The following SCOC variants were observed in gnomAD, a reference collection of about 807,000 sequenced individuals.
The protein encoded by SCOC is short coiled coil protein.
In SCOC, 7 loss-of-function variants were observed where a neutral mutation model predicts 9.9. The ratio of observed to expected loss-of-function variants is 0.71; its 90% CI spans 0.40 to 1.33. The LOEUF is 1.33. Among genes scored for constraint, SCOC ranks in the 40% most tolerant of loss-of-function variants. The probability of loss-of-function intolerance (pLI) is 0.01; values close to 1 mark genes in which losing one functional copy is unlikely to be tolerated. For missense variants in SCOC, 66 were observed against 89.7 expected, an observed-to-expected ratio of 0.74 and a Z score of 1.07; for synonymous variants, 19 against 28.2, an observed-to-expected ratio of 0.67 and a Z score of 1.03.
At chr4:140,296,063 AT>A (rs1364867411) in intron 1 of SCOC, among the ~76,000 whole-genome samples, 2 of 151,732 alleles carry the variant, frequency 1.3e-5, no homozygotes, top group African/African-American at 2.4e-5. Flanking sequence ...AGGAATCTGC[AT>A]TTTTTAAAAG....
chr4:140,379,371 G>T (rs1184904697), intron 2 of SCOC, among the ~76,000 whole-genome samples, 179 bp downstream of exon 2: 2 of 152,192 alleles, frequency 1.3e-5, no homozygotes, highest in Non-Finnish European at 2.9e-5. Flanking sequence ...CCTTAGCTAT[G>T]AGAGGTTGGC....
chr4:140,316,231 T>C (rs1732313854), intron 1 of SCOC, among the ~76,000 whole-genome samples: 1 of 152,172 alleles, frequency 6.6e-6, no homozygotes, highest in Admixed American at 6.6e-5. Context: ...ATTCAGATGC[T>C]TATGTGTGTT....
rs530278701 is a variant in SCOC, at chr4:140,322,133, T to C, written c.-18-21488T>C. On this transcript the variant is annotated intron_variant, in intron 1 of 4. Coordinates refer to the SCOC transcript ENST00000394205. ...TTAAAATAAATTGTCTAGTCTGTGG[T>C]ATTTTGTTATAGTAGTCTAAAACAG... 1.5e-4 allele frequency among the ~76,000 whole-genome samples: 23 copies of C among 152,316 alleles called. No individual in the cohort carries two copies. In the East Asian group the frequency reaches 3.1e-3, roughly 20 times the overall value.
intron 1 of SCOC, among the ~76,000 whole-genome samples, chr4:140,304,826 C>A (rs1350654514): frequency 6.6e-6 from 1 of 152,188 alleles, no homozygotes; most frequent in Non-Finnish European, 1.5e-5. Context: ...CTAACGCTGC[C>A]CTTTATTCCT....
intron 2 of SCOC, chr4:140,366,335 C>T (rs1341218607): frequency 3.0e-6 from 4 of 1,329,388 alleles, no homozygotes; most frequent in Non-Finnish European, 4.1e-6. Context: ...CTGTGGCTTT[C>T]TGGGCAGGAA....
chr4:140,274,609 A>G (rs1430739200), intron 1 of SCOC, among the ~76,000 whole-genome samples: 1 of 152,194 alleles, frequency 6.6e-6, no homozygotes, highest in African/African-American at 2.4e-5. Context: ...TCTGCCGCAA[A>G]AAGGGAGAAC....
chr4:140,372,862 C>A (rs1728113369), upstream of SCOC, among the ~76,000 whole-genome samples: 1 of 152,144 alleles, frequency 6.6e-6, no homozygotes, highest in South Asian at 2.1e-4. Context: ...TTACGATGAA[C>A]GGTGTCACGA....
chr4:140,312,461 C>T (rs1460219902), intron 1 of SCOC, among the ~76,000 whole-genome samples: 1 of 152,128 alleles, frequency 6.6e-6, no homozygotes, highest in Non-Finnish European at 1.5e-5. Context: ...ACAGGTCTAG[C>T]TCTGCTGCCA....
At chr4:140,313,671 G>A (rs1732223000) in intron 1 of SCOC, among the ~76,000 whole-genome samples, 1 of 152,184 alleles carries the variant, frequency 6.6e-6, no homozygotes, top group African/African-American at 2.4e-5. Flanking sequence ...TCGGACCTAA[G>A]AGCCTAAGCT....
intron 1 of SCOC, among the ~76,000 whole-genome samples, chr4:140,301,863 G>T (rs766468591): frequency 1.3e-5 from 2 of 152,002 alleles, no homozygotes; most frequent in African/African-American, 2.4e-5. Flanking sequence ...ACAAGTTCTC[G>T]CTCTGTTGCC....
chr4:140,290,325 T>C (rs1731433876), intron 1 of SCOC, among the ~76,000 whole-genome samples: 1 of 152,248 alleles, frequency 6.6e-6, no homozygotes, highest in African/African-American at 2.4e-5. Flanking sequence ...TTGGGCTTTC[T>C]CCTCTTTCTT....
At chr4:140,271,524 A>G (rs1730845245) in intron 1 of SCOC, among the ~76,000 whole-genome samples, 1 of 152,202 alleles carries the variant, frequency 6.6e-6, no homozygotes. Flanking sequence ...ATCTCCATCT[A>G]AAAGTAGTGC....
At chr4:140,353,964 T>TG (rs1327650918) in intron 2 of SCOC, among the ~76,000 whole-genome samples, 1 of 152,262 alleles carries the variant, frequency 6.6e-6, no homozygotes. Context: ...TCAGAGCACT[T>TG]GCCTGCGCAC....
At chr4:140,333,467 T>C (rs1732876123) in intron 1 of SCOC, among the ~76,000 whole-genome samples, 1 of 152,186 alleles carries the variant, frequency 6.6e-6, no homozygotes, top group East Asian at 1.9e-4. Flanking sequence ...ACCAAAAATG[T>C]AAACTCTGTG....
chr4:140,321,636 C>T (rs565120857), intron 1 of SCOC, among the ~76,000 whole-genome samples: 5 of 152,090 alleles, frequency 3.3e-5, no homozygotes, highest in African/African-American at 1.2e-4. Context: ...TTTACTCAAA[C>T]TGAAACAGAA....
chr4:140,303,494 C>A (rs1326088002), intron 1 of SCOC, among the ~76,000 whole-genome samples: 1 of 152,180 alleles, frequency 6.6e-6, no homozygotes, highest in Non-Finnish European at 1.5e-5. Flanking sequence ...TGACACTCAA[C>A]ACTTTTCAGT....
intron 1 of SCOC, among the ~76,000 whole-genome samples, chr4:140,277,841 C>T (rs150542455): frequency 0.027 from 4,042 of 152,184 alleles, 87 homozygotes; most frequent in Non-Finnish European, 0.041. Context: ...CTGGATGTAA[C>T]TTATAGGATT....
chr4:140,306,006 G>A (rs1731969777), intron 1 of SCOC, among the ~76,000 whole-genome samples: 1 of 152,122 alleles, frequency 6.6e-6, no homozygotes, highest in African/African-American at 2.4e-5. Flanking sequence ...TAATAATTAA[G>A]CTCACTTATA....
At chr4:140,292,386 G>T (rs1049070175) in intron 1 of SCOC, among the ~76,000 whole-genome samples, 1 of 152,038 alleles carries the variant, frequency 6.6e-6, no homozygotes, top group East Asian at 1.9e-4. Context: ...ACAGGGTTTT[G>T]TCATGTTAGC....
Sources: gnomAD v4.1 joint callset for allele counts (sites outside exome capture counted in the v4.1 genomes callset) on GRCh38, gnomAD v4.1.1 for gene constraint, MANE v1.5 for transcripts, NCBI Gene and HGNC (gene_info 2026-07-23, HGNC 2026-07-21) for gene names.